Variants in SLC35F1 observed in about 807,000 individuals in gnomAD.
SLC35F1 encodes the protein solute carrier family 35 member F1.
Under a neutral mutation model 48.7 loss-of-function variants are expected in SLC35F1, and 14 were observed. That is an observed-to-expected ratio of 0.29 (90% CI 0.19 to 0.45). The LOEUF (loss-of-function observed/expected upper bound fraction) is 0.45. SLC35F1 is among the 20% of genes least tolerant of loss of function. SLC35F1 has a pLI of 1.00. For missense variants in SLC35F1, 404 were observed against 500.0 expected (o/e 0.81, Z 1.83); for synonymous variants, 190 against 202.2 (o/e 0.94, Z 0.51).
chr6:118,212,222 G>A (rs183827597), intron 2 of SLC35F1, among the ~76,000 whole-genome samples: 52 of 152,224 alleles, frequency 3.4e-4, no homozygotes, highest in African/African-American at 1.2e-3. Flanking sequence ...TGTTTCAGTA[G>A]TTGCATCTTG....
chr6:117,995,308 T>C (rs1776970327), intron 1 of SLC35F1, among the ~76,000 whole-genome samples: 2 of 152,212 alleles, frequency 1.3e-5, no homozygotes, highest in African/African-American at 4.8e-5. Context: ...CCAAATGTTT[T>C]GCTAAATACC....
intron 7 of SLC35F1, among the ~76,000 whole-genome samples, chr6:118,311,472 C>T (rs1271048753): frequency 2.0e-5 from 3 of 152,166 alleles, no homozygotes; most frequent in Non-Finnish European, 4.4e-5. Context: ...AAAACACAAC[C>T]TCATAATCAG....
intron 1 of SLC35F1, among the ~76,000 whole-genome samples, chr6:118,130,279 C>G (rs1773690643): frequency 2.0e-5 from 3 of 152,062 alleles, no homozygotes; most frequent in Non-Finnish European, 4.4e-5. Flanking sequence ...TAAATTTTAG[C>G]TATTAATGTT....
chr6:118,088,349 G>T (rs1289841751), intron 1 of SLC35F1, among the ~76,000 whole-genome samples: 1 of 152,146 alleles, frequency 6.6e-6, no homozygotes, highest in Non-Finnish European at 1.5e-5. Flanking sequence ...GTAAACAGAG[G>T]TAATTCAATG....
chr6:118,169,586 C>T lies in SLC35F1; in HGVS notation c.349+14966C>T, dbSNP rs534798353. Among the ~76,000 whole-genome samples the T allele has an allele frequency of 5.9e-5, 9 of 152,248 alleles. No individual in the cohort carries two copies. The South Asian group carries it at 1.7e-3, about 28-fold the overall frequency. On this transcript the variant is annotated intron_variant, in intron 2 of 7. Coordinates refer to ENST00000360388, the MANE Select transcript of SLC35F1 (RefSeq NM_001029858.4). ...CGATCCACATCAGCCCTATCACTGC[C>T]CCCAGCCAAGCCACCCATCGCGTCT...
intron 2 of SLC35F1, among the ~76,000 whole-genome samples, chr6:118,179,325 G>A (rs2114507567): frequency 6.6e-6 from 1 of 152,266 alleles, no homozygotes; most frequent in East Asian, 1.9e-4. Context: ...AGGAAGAAAA[G>A]GAGCTGTTGG....
chr6:118,270,828 C>A (rs925282219), intron 4 of SLC35F1, among the ~76,000 whole-genome samples: 2 of 152,064 alleles, frequency 1.3e-5, no homozygotes, highest in African/African-American at 4.8e-5. Context: ...GATTCAGCAC[C>A]AGGACTTCTC....
chr6:118,113,022 G>A (rs911265132), intron 1 of SLC35F1, among the ~76,000 whole-genome samples: 1 of 152,128 alleles, frequency 6.6e-6, no homozygotes, highest in African/African-American at 2.4e-5. Flanking sequence ...GCCGTAGAAT[G>A]TACAACACCA....
At chr6:118,253,733 G>A (rs762079582) in intron 3 of SLC35F1, among the ~76,000 whole-genome samples, 1 of 152,058 alleles carries the variant, frequency 6.6e-6, no homozygotes, top group Non-Finnish European at 1.5e-5. Flanking sequence ...GCCAACTACT[G>A]CAGAGAGGTT....
intron 1 of SLC35F1, among the ~76,000 whole-genome samples, chr6:117,984,725 A>T (rs1479701914): frequency 6.6e-6 from 1 of 152,210 alleles, no homozygotes; most frequent in Non-Finnish European, 1.5e-5. Flanking sequence ...CCAGCTCAAT[A>T]CAGGCTTTGC....
chr6:118,154,422 G>GT (rs750461990), intron 1 of SLC35F1, 23 bp from the exon 2 acceptor site: 160 of 1,586,384 alleles, frequency 1.0e-4, no homozygotes, highest in East Asian at 2.5e-4. Context: ...CCTTTGCTGT[G>GT]TTTTTTTTCC....
chr6:118,125,459 A>G (rs938045651), intron 1 of SLC35F1, among the ~76,000 whole-genome samples: 10 of 152,176 alleles, frequency 6.6e-5, no homozygotes, highest in African/African-American at 1.9e-4. Context: ...TGAAAGGTGA[A>G]AATGAGCAAA....
At chr6:118,293,325 T>A (rs186559968) in intron 7 of SLC35F1, among the ~76,000 whole-genome samples, 1 of 152,298 alleles carries the variant, frequency 6.6e-6, no homozygotes, top group Admixed American at 6.5e-5. Flanking sequence ...ATCCATTTCC[T>A]TACCGTTTCC....
chr6:118,035,624 AAAC>A (rs141949005), intron 1 of SLC35F1, among the ~76,000 whole-genome samples: 43,286 of 144,570 alleles, frequency 0.3, 6,934 homozygotes, highest in East Asian at 0.46. Context: ...CACAAAAAAA[AAAC>A]AACAACAACA....
At chr6:117,984,894 G>T (rs767740630) in intron 1 of SLC35F1, among the ~76,000 whole-genome samples, 1 of 152,180 alleles carries the variant, frequency 6.6e-6, no homozygotes, top group Admixed American at 6.5e-5. Flanking sequence ...ATGTGGAAGC[G>T]CTAGTCCTTC....
intron 1 of SLC35F1, among the ~76,000 whole-genome samples, chr6:117,923,710 C>CATATGCACATATATGT (rs1562238868): frequency 4.4e-5 from 1 of 22,562 alleles, no homozygotes; most frequent in Admixed American, 6.6e-4. Context: ...CATATATGTA[C>CATATGCACATATATGT]ATATATACAT....
At chr6:118,084,418 C>G (rs1582657027) in intron 1 of SLC35F1, among the ~76,000 whole-genome samples, 1 of 152,094 alleles carries the variant, frequency 6.6e-6, no homozygotes. Context: ...TCAGACATTT[C>G]TAGATGTTTC....
intron 5 of SLC35F1, 112 bp from the exon 6 acceptor site, chr6:118,277,382 C>A: frequency 1.1e-6 from 1 of 945,724 alleles, no homozygotes; most frequent in South Asian, 1.5e-5. Flanking sequence ...TGAAATTCAT[C>A]TGGTTGCTTC....
chr6:118,117,304 G>A (rs79677950), intron 1 of SLC35F1, among the ~76,000 whole-genome samples: 5,462 of 152,264 alleles, frequency 0.036, 132 homozygotes, highest in Admixed American at 0.058. Context: ...CTAAGTGAAG[G>A]AATACTCAAT....
Sources: allele counts gnomAD v4.1 joint callset (sites outside exome capture counted in the v4.1 genomes callset), GRCh38; gene constraint gnomAD v4.1.1; transcripts MANE v1.5; gene names NCBI Gene and HGNC (gene_info 2026-07-23, HGNC 2026-07-21).